The following CCDC7 variants were observed in gnomAD, a reference collection of about 807,000 sequenced individuals.
CCDC7 encodes coiled-coil domain-containing protein 7.
CCDC7 carries 183 observed loss-of-function variants against 196.9 expected under a neutral mutation model. That is an observed-to-expected ratio of 0.93 (90% CI 0.82 to 1.05). The LOEUF (loss-of-function observed/expected upper bound fraction) is 1.05. Ranked by LOEUF, CCDC7 falls within the 50% of genes least tolerant of loss-of-function variation. CCDC7 has a pLI of 0.00. For missense variants in CCDC7, 1,540 were observed against 1,482.2 expected (o/e 1.04, Z -0.64); for synonymous variants, 525 against 484.6 (o/e 1.08, Z -1.10).
At chr10:32,522,670 C>G (rs566291842) in intron 11 of CCDC7, among the ~76,000 whole-genome samples, 1 of 152,010 alleles carries the variant, frequency 6.6e-6, no homozygotes, top group East Asian at 1.9e-4. Flanking sequence ...TCATTTATGT[C>G]TGCTCTGATC....
intron 29 of CCDC7, among the ~76,000 whole-genome samples, chr10:32,781,094 A>G (rs545211372): frequency 1.3e-5 from 2 of 152,324 alleles, no homozygotes; most frequent in South Asian, 4.1e-4. Context: ...AGAAATATAC[A>G]ATCTACCAGA....
At chr10:32,828,541 AAG>A (rs1223743099) in intron 32 of CCDC7, among the ~76,000 whole-genome samples, 5 of 147,754 alleles carry the variant, frequency 3.4e-5, no homozygotes, top group Admixed American at 6.8e-5. Context: ...GAAGAAGAAG[AAG>A]AAGAAGAAGA....
intron 21 of CCDC7, among the ~76,000 whole-genome samples, chr10:32,677,751 C>T (rs570407071): frequency 6.6e-6 from 1 of 151,762 alleles, no homozygotes; most frequent in East Asian, 1.9e-4. Context: ...CATTTTCCTC[C>T]TCAGATTTGA....
chr10:32,711,750 C>G lies in CCDC7; in HGVS notation c.2569+20C>G. 7.4e-7 allele frequency: 1 copy of G among 1,359,120 alleles called. No homozygotes were observed. The highest frequency in any genetic ancestry group is 1.0e-6 in the Non-Finnish European group (1 of 993,854). 84.2% of individuals were successfully genotyped at this position (1,359,120 alleles called of 1,614,324 possible). A position where few individuals can be genotyped will look rare whatever the true frequency, so the allele number is the denominator to read the frequency against. On this transcript the variant is annotated intron_variant, in intron 25 of 41. Transcript: ENST00000639629. Reference sequence around the variant, plus strand: ...GTAGCAGTAAGTATAATGATGATAGCTATTTTATATTATTTTAAGTAAATC... The same window carrying G: ...GTAGCAGTAAGTATAATGATGATAGGTATTTTATATTATTTTAAGTAAATC...
intron 24 of CCDC7, among the ~76,000 whole-genome samples, chr10:32,705,044 C>G (rs1189049553): frequency 6.6e-6 from 1 of 152,116 alleles, no homozygotes; most frequent in Admixed American, 6.5e-5. Flanking sequence ...CGACAATGCC[C>G]AGTGAGATGA....
At chr10:32,642,361 C>T (rs1287390231) in intron 20 of CCDC7, among the ~76,000 whole-genome samples, 3 of 152,190 alleles carry the variant, frequency 2.0e-5, no homozygotes, top group African/African-American at 7.2e-5. Flanking sequence ...GGGCGCCCCT[C>T]CCCCAGCCTG....
At chr10:32,630,681 G>T (rs1268170977) in intron 18 of CCDC7, among the ~76,000 whole-genome samples, 3 of 152,132 alleles carry the variant, frequency 2.0e-5, no homozygotes, top group South Asian at 4.1e-4. Flanking sequence ...GATATTTAAA[G>T]AATATTTTAT....
chr10:32,689,447 G>C (rs1038209509), intron 23 of CCDC7, among the ~76,000 whole-genome samples: 19 of 151,794 alleles, frequency 1.3e-4, no homozygotes, highest in Non-Finnish European at 2.9e-5. Flanking sequence ...AGTAATTATG[G>C]GCCCAAAAAC....
chr10:32,446,230 C>T lies in CCDC7; in HGVS notation c.-219C>T, dbSNP rs528179817. 1.3e-5 allele frequency: 2 copies of T among 152,302 alleles called. No individual in the cohort carries two copies. Among genetic ancestry groups the T allele is most frequent in the East Asian group, 3.9e-4 (2 of 5,168 alleles). 9.4% of individuals were successfully genotyped at this position (152,302 alleles called of 1,614,324 possible). On this transcript the variant is annotated 5_prime_UTR_variant, in exon 1 of 18. In the 5' UTR this introduces an upstream ATG that the reference lacks. Coordinates refer to the CCDC7 transcript ENST00000277657. The stretch of plus-strand genomic sequence containing the variant: ...GCCGGGCCTTTTCTTTCAGCACAAA[C>T]GTCAGTTTGTAAAAGGGAGGTGCTG...
intron 13 of CCDC7, among the ~76,000 whole-genome samples, chr10:32,553,118 TA>T (rs34945537): frequency 0.066 from 7,377 of 111,930 alleles, 616 homozygotes; most frequent in African/African-American, 0.26. Context: ...TTTTTTTTTT[TA>T]ATTCTTTTTT....
exon 28 of CCDC7, chr10:32,729,451 A>G (rs2083587282): frequency 1.7e-6 from 2 of 1,201,648 alleles, no homozygotes; most frequent in Admixed American, 2.2e-5. Flanking sequence ...AGTAACTTCA[A>G]GAAAAAGTAA....
chr10:32,559,217 C>A (rs572914896), intron 13 of CCDC7, among the ~76,000 whole-genome samples: 8,031 of 152,288 alleles, frequency 0.053, 685 homozygotes, highest in African/African-American at 0.18. Context: ...GCCTGCCTGC[C>A]TCTGTAGGCT....
intron 20 of CCDC7, among the ~76,000 whole-genome samples, chr10:32,655,949 A>T (rs2069753388): frequency 1.3e-5 from 2 of 152,152 alleles, no homozygotes; most frequent in South Asian, 4.1e-4. Context: ...TATTTTGACT[A>T]TTAACTCCTT....
intron 18 of CCDC7, among the ~76,000 whole-genome samples, chr10:32,604,954 G>C (rs1391396568): frequency 6.6e-6 from 1 of 152,042 alleles, no homozygotes; most frequent in Non-Finnish European, 1.5e-5. Flanking sequence ...ATATGGTTTA[G>C]ATATTTGTCC....
Position 32,763,397 on chromosome 10 carries a change from T to A in CCDC7, c.2906-15580T>A, listed in dbSNP as rs144519259. ...ATGGAGAAACAGAATCCTTACATAC[T>A]GTTCAGGTGGTGAAAAACAATAGGG... On this transcript the variant is annotated intron_variant, in intron 28 of 41. Transcript: ENST00000639629. Among the ~76,000 whole-genome samples, 1,260 of 152,094 alleles carry A rather than the reference T, an allele frequency of 8.3e-3. 13 individuals carry two copies. The highest frequency in any genetic ancestry group is 0.014 in the Non-Finnish European group (922 of 67,898).
chr10:32,815,272 T>G (rs1466774169), intron 31 of CCDC7, among the ~76,000 whole-genome samples: 1 of 152,118 alleles, frequency 6.6e-6, no homozygotes, highest in Non-Finnish European at 1.5e-5. Flanking sequence ...ACACGTTAGA[T>G]TTAGCAGACA....
chr10:32,463,111 G>C, intron 5 of CCDC7, 62 bp downstream of exon 6: 1 of 1,590,068 alleles, frequency 6.3e-7, no homozygotes, highest in Non-Finnish European at 8.6e-7. Flanking sequence ...AAAGCAATTT[G>C]GATTATGTAT....
At chr10:32,851,252 A>C (rs909414921) in intron 39 of CCDC7, among the ~76,000 whole-genome samples, 1 of 152,196 alleles carries the variant, frequency 6.6e-6, no homozygotes, top group Non-Finnish European at 1.5e-5. Flanking sequence ...CATCCCATTA[A>C]GTTTTTGTAT....
chr10:32,732,057 A>C (rs1312895598), intron 28 of CCDC7, among the ~76,000 whole-genome samples: 1 of 152,178 alleles, frequency 6.6e-6, no homozygotes, highest in Non-Finnish European at 1.5e-5. Flanking sequence ...TCTCAAAAAA[A>C]ACAAAACAAA....
Sources: gnomAD v4.1 joint callset for allele counts (sites outside exome capture counted in the v4.1 genomes callset) on GRCh38, gnomAD v4.1.1 for gene constraint, MANE v1.5 for transcripts, NCBI Gene and HGNC (gene_info 2026-07-23, HGNC 2026-07-21) for gene names.